MFSD2A: variants seen among roughly 807,000 people sequenced by gnomAD.
The protein encoded by MFSD2A is MFSD2 lysolipid transporter A, lysophospholipid, also known as sodium-dependent lysophosphatidylcholine symporter 1.
In MFSD2A, 27 loss-of-function variants were observed where a neutral mutation model predicts 64.7. The observed-to-expected ratio is 0.42, with a 90% CI of 0.31 to 0.58. The LOEUF is 0.58. Among genes scored for constraint, MFSD2A ranks in the 20% least tolerant of loss-of-function variants. The probability of loss-of-function intolerance (pLI) is 0.18; values close to 1 mark genes in which losing one functional copy is unlikely to be tolerated. For missense variants in MFSD2A, 474 were observed against 679.5 expected, an observed-to-expected ratio of 0.70 and a Z score of 3.36; for synonymous variants, 258 against 273.4, an observed-to-expected ratio of 0.94 and a Z score of 0.55.
At chr1:39,957,988 G>A (rs1400031065) in intron 2 of MFSD2A, 1 of 152,408 alleles carries the variant, frequency 6.6e-6, no homozygotes, top group Non-Finnish European at 1.5e-5. Flanking sequence ...GGCCTTGGGT[G>A]GGGTGTAAAT....
At position 39,968,294 on chromosome 1, in the gene MFSD2A, TA is replaced by T; in HGVS notation, c.1209-39del. 1 of 1,613,698 alleles carries T rather than the reference TA, an allele frequency of 6.2e-7. No individual in the cohort carries two copies. Among genetic ancestry groups the T allele is most frequent in the African/African-American group, 1.3e-5 (1 of 75,030 alleles). Reference sequence around the variant, plus strand: ...TCTTCTCATTAACACAGAGGCCCGTTAGGTGGGTCAGTCCTCATGGCTGTCA... The same window carrying T: ...TCTTCTCATTAACACAGAGGCCCGTTGGTGGGTCAGTCCTCATGGCTGTCA... On this transcript the variant is annotated intron_variant, in intron 11 of 13. Transcript: ENST00000372811. This position sits in a 1 kb window ranked among gnomAD's most constrained non-coding sequence, Gnocchi z 4.4.
At chr1:39,957,606 G>A (rs999157831) in intron 2 of MFSD2A, among the ~76,000 whole-genome samples, 1 of 152,220 alleles carries the variant, frequency 6.6e-6, no homozygotes, top group Non-Finnish European at 1.5e-5. Context: ...CTGTTGCCAG[G>A]CTTGTGGATG....
Position 39,955,320 on chromosome 1 carries a change from G to T in MFSD2A, c.28G>T (p.Gly10Cys), listed in dbSNP as rs373237819. Residue 10 changes from glycine (G) to cysteine (C), a missense_variant, in exon 1 of 14, where the codon GGC (glycine) becomes TGC (cysteine). By Grantham distance (159) the Gly-to-Cys change is radical. Transcript: ENST00000372811. The surrounding 1 kb of genome is among the most constrained non-coding windows in gnomAD (Gnocchi z 5.9). ...GGCCAAAGGAGAAGGCGCCGAGAGCGGCTCCGCGGCGGGGCTGCTACCCAC... is the reference window on the plus strand; with the variant it reads ...GGCCAAAGGAGAAGGCGCCGAGAGCTGCTCCGCGGCGGGGCTGCTACCCAC... MAKGEGAESGSAAGLLPTSI... is the reference protein window; with the variant it reads MAKGEGAESCSAAGLLPTSI... 6.0e-5 allele frequency: 86 copies of T among 1,444,508 alleles called. No individual in the cohort carries two copies. Among genetic ancestry groups the T allele is most frequent in the Non-Finnish European group, 7.8e-5 (85 of 1,096,472 alleles). 89.5% of individuals were successfully genotyped at this position (1,444,508 alleles called of 1,614,324 possible).
In MFSD2A at chr1:39,955,558, A is replaced by T; in HGVS notation, c.93+173A>T. 1 of 753,032 alleles carries T rather than the reference A, an allele frequency of 1.3e-6. No individual in the cohort carries two copies. The highest frequency in any genetic ancestry group is 2.7e-5 in the East Asian group (1 of 36,832). The allele number at this position is 753,032 out of a possible 1,614,324, so 46.6% of individuals were successfully genotyped here. ...CCTGGGACAGGGGGTGACGGAGAAA[A>T]GCTGTGGGCGCCCTCGCCCCCCTTT... On this transcript the variant is annotated intron_variant, in intron 1 of 13. Transcript: ENST00000372811. This position sits in a 1 kb window ranked among gnomAD's most constrained non-coding sequence, Gnocchi z 5.9.
chr1:39,967,097 G>T lies in MFSD2A; in HGVS notation c.939G>T (p.Gly313=). 6.2e-7 allele frequency: 1 copy of T among 1,613,982 alleles called. No individual in the cohort carries two copies. The highest frequency in any genetic ancestry group is 1.1e-5 in the South Asian group (1 of 91,044). Residue 313 remains glycine (G), a synonymous_variant, in exon 9 of 14, where the codon GGG becomes GGT. Coordinates refer to ENST00000372811, the MANE Select transcript of MFSD2A (RefSeq NM_032793.5). ...FTSLAFMLVE[G]NFVLFCTYTL... ...TGCTCCATGCCCAGCTGGTGGAGGGGAACTTTGTCTTGTTTTGCACCTACA... is the reference window on the plus strand; with the variant it reads ...TGCTCCATGCCCAGCTGGTGGAGGGTAACTTTGTCTTGTTTTGCACCTACA...
intron 3 of MFSD2A, chr1:39,962,665 G>C: frequency 1.3e-6 from 1 of 785,036 alleles, no homozygotes; most frequent in South Asian, 1.5e-5. Flanking sequence ...GGTCATGGCC[G>C]TGGACGGGGC....
At chr1:39,962,436 C>G (rs1279831970) in intron 3 of MFSD2A, among the ~76,000 whole-genome samples, 1 of 152,240 alleles carries the variant, frequency 6.6e-6, no homozygotes, top group Non-Finnish European at 1.5e-5. Context: ...GCACTCATCT[C>G]CCAACATGTT....
rs1306966037 is a variant in MFSD2A at position 39,960,649 on chromosome 1, A to G, written c.353+1824A>G. On this transcript the variant is annotated intron_variant, in intron 3 of 13. Coordinates refer to ENST00000372811, the MANE Select transcript of MFSD2A (RefSeq NM_032793.5). This position sits in a 1 kb window ranked among gnomAD's most constrained non-coding sequence, Gnocchi z 4.8. The stretch of plus-strand genomic sequence containing the variant: ...TGCAGGCCGGGTTACTCCCAGTTAC[A>G]CTGGGTTCCTCAGCAGCAGCTGCTC... Among the ~76,000 whole-genome samples, 1 of 152,258 alleles carries G rather than the reference A, an allele frequency of 6.6e-6. No homozygotes were observed. The highest frequency in any genetic ancestry group is 1.5e-5 in the Non-Finnish European group (1 of 68,042).
intron 1 of MFSD2A, among the ~76,000 whole-genome samples, chr1:39,956,687 T>C (rs1294611710): frequency 6.6e-6 from 1 of 152,044 alleles, no homozygotes; most frequent in Admixed American, 6.6e-5. Flanking sequence ...CACCTTTCTT[T>C]TGTATAAAGT....
At chr1:39,959,803 A>C (rs1443530902) in intron 3 of MFSD2A, among the ~76,000 whole-genome samples, 1 of 152,234 alleles carries the variant, frequency 6.6e-6, no homozygotes, top group Non-Finnish European at 1.5e-5. Flanking sequence ...TGGGACACTA[A>C]GTGCTATGAT....
chr1:39,966,202 G>C (rs1645157687), intron 6 of MFSD2A, among the ~76,000 whole-genome samples, 188 bp downstream of exon 6: 1 of 152,238 alleles, frequency 6.6e-6, no homozygotes, highest in African/African-American at 2.4e-5. Flanking sequence ...GGCTGAATAA[G>C]TTGCCCAGAG....
chr1:39,958,766 C>T lies in MFSD2A; in HGVS notation c.294C>T (p.Pro98=), dbSNP rs544567794. Residue 98 remains proline, a synonymous_variant, in exon 3 of 14, where the codon CCC becomes CCT. Coordinates refer to ENST00000372811, the MANE Select transcript of MFSD2A (RefSeq NM_032793.5). The surrounding 1 kb of genome is among the most constrained non-coding windows in gnomAD (Gnocchi z 4.7). Reference sequence around the variant, plus strand: ...GAGCCTGGGATGCCATCACAGACCCCCTGGTGGGCCTCTGCATCAGCAAAT... The same window carrying T: ...GAGCCTGGGATGCCATCACAGACCCTCTGGTGGGCCTCTGCATCAGCAAAT... ...VGRAWDAITD[P]LVGLCISKSP... is the part of the protein sequence containing the mutation. 6.2e-6 allele frequency: 10 copies of T among 1,614,052 alleles called. No individual in the cohort carries two copies. The highest frequency in any genetic ancestry group is 2.7e-5 in the African/African-American group (2 of 75,024).
At position 39,964,929 on chromosome 1, in the gene MFSD2A, C is replaced by A. The variant is rs1179366948; in HGVS notation, c.354-282C>A. The A allele has an allele frequency of 3.8e-5, 18 of 478,734 alleles. No homozygotes were observed. The Admixed American group carries it at 6.3e-4, about 17-fold the overall frequency. 29.7% of individuals were successfully genotyped at this position (478,734 alleles called of 1,614,324 possible). The stretch of plus-strand genomic sequence containing the variant: ...GGTCTTGGACTCCTGTCCTAACTCT[C>A]AGCCCATTAGAGGCTGCTGCCTCTG... On this transcript the variant is annotated intron_variant, in intron 3 of 13. Transcript: ENST00000372811. The surrounding 1 kb of genome is among the most constrained non-coding windows in gnomAD (Gnocchi z 4.1).
rs573554432 is a variant in MFSD2A, at chr1:39,964,895, G to C, written c.354-316G>C. 2.1e-5 allele frequency: 8 copies of C among 373,032 alleles called. No homozygotes were observed. In the Admixed American group the frequency reaches 2.9e-4, roughly 14 times the overall value. 23.1% of individuals were successfully genotyped at this position (373,032 alleles called of 1,614,324 possible). ...CTCCTTCTCTTTGCCTCCTTGCCCA[G>C]GCACCTGAGGTCTTGGACTCCTGTC... On this transcript the variant is annotated intron_variant, in intron 3 of 13. Transcript: ENST00000372811. This position sits in a 1 kb window ranked among gnomAD's most constrained non-coding sequence, Gnocchi z 4.1.
Position 39,965,894 on chromosome 1 carries a change from G to T in MFSD2A, c.594G>T (p.Thr198=), listed in dbSNP as rs138870190. The change falls in exon 6 of 14, where the codon ACG becomes ACT. Residue 198 remains threonine (T), a synonymous_variant. Transcript: ENST00000372811. The surrounding 1 kb of genome is among the most constrained non-coding windows in gnomAD (Gnocchi z 5.5). ...AAGTGCTGGGCACAGTGCTGGGCACGGCGATCCAGGGACAAATCGTGGGCC... is the reference window on the plus strand; with the variant it reads ...AAGTGCTGGGCACAGTGCTGGGCACTGCGATCCAGGGACAAATCGTGGGCC... The part of the protein sequence containing the change: ...TVEVLGTVLG[T]AIQGQIVGQA... The T allele has an allele frequency of 1.2e-6, 2 of 1,614,060 alleles. No individual in the cohort carries two copies. The highest frequency in any genetic ancestry group is 2.2e-5 in the South Asian group (2 of 91,072).
chr1:39,965,794 A>G lies in MFSD2A; in HGVS notation c.557-63A>G. ...CTACCGCTGGGCTCCCACCCATTTGACCTTCCTCCCTGGGCCCACAATCCA... is the reference window on the plus strand; with the variant it reads ...CTACCGCTGGGCTCCCACCCATTTGGCCTTCCTCCCTGGGCCCACAATCCA... On this transcript the variant is annotated intron_variant, in intron 5 of 13. Coordinates refer to ENST00000372811, the MANE Select transcript of MFSD2A (RefSeq NM_032793.5). This position sits in a 1 kb window ranked among gnomAD's most constrained non-coding sequence, Gnocchi z 5.5. The G allele has an allele frequency of 6.3e-7, 1 of 1,597,988 alleles. No individual in the cohort carries two copies. Among genetic ancestry groups the G allele is most frequent in the Non-Finnish European group, 8.5e-7 (1 of 1,170,166 alleles).
Position 39,963,708 on chromosome 1 carries a change from A to G in MFSD2A, c.354-1503A>G, listed in dbSNP as rs1645094235. On this transcript the variant is annotated intron_variant, in intron 3 of 13. Transcript: ENST00000372811. The surrounding 1 kb of genome is among the most constrained non-coding windows in gnomAD (Gnocchi z 4.2). ...CTTTTTTGGGCAGTGCAGTTTTAACATTCCACATTAAGGATGTAATAATCA... is the reference window on the plus strand; with the variant it reads ...CTTTTTTGGGCAGTGCAGTTTTAACGTTCCACATTAAGGATGTAATAATCA... Among the ~76,000 whole-genome samples, 1 of 152,184 alleles carries G rather than the reference A, an allele frequency of 6.6e-6. No homozygotes were observed. Among genetic ancestry groups the G allele is most frequent in the East Asian group, 1.9e-4 (1 of 5,198 alleles).
At chr1:39,967,302 G>A in intron 9 of MFSD2A, 133 bp downstream of exon 9, 1 of 810,830 alleles carries the variant, frequency 1.2e-6, no homozygotes, top group East Asian at 2.5e-5. Flanking sequence ...GCTTCTCAGG[G>A]TATTTGGTTG....
Position 39,966,646 on chromosome 1 carries a change from A to G in MFSD2A, c.760A>G (p.Ile254Val). The G allele has an allele frequency of 3.1e-6, 5 of 1,614,044 alleles. No individual in the cohort carries two copies. Among genetic ancestry groups the G allele is most frequent in the Non-Finnish European group, 4.2e-6 (5 of 1,179,980 alleles). Residue 254 changes from isoleucine to valine, a missense_variant, in exon 7 of 14, where the codon ATA (isoleucine) becomes GTA (valine). Transcript: ENST00000372811. ...LAAGVIVCIYIICAVILILGV... is the reference protein window; with the variant it reads ...LAAGVIVCIYVICAVILILGV... The stretch of plus-strand genomic sequence containing the variant: ...AGCGGGGGTCATTGTCTGTATCTAT[A>G]TAATCTGTGCTGTCATCCTGATCCT...
Sources: gnomAD v4.1 joint callset for allele counts (sites outside exome capture counted in the v4.1 genomes callset) on GRCh38, gnomAD v4.1.1 for gene constraint, Gnocchi (gnomAD v3.1) non-coding constraint, MANE v1.5 for transcripts, NCBI Gene and HGNC (gene_info 2026-07-23, HGNC 2026-07-21) for gene names.